The following MND1 variants were observed in gnomAD, a reference collection of about 807,000 sequenced individuals.
MND1 encodes meiotic nuclear division protein 1 homolog.
MND1 carries 28 observed loss-of-function variants against 35.1 expected under a neutral mutation model. That is an observed-to-expected ratio of 0.80 (90% CI 0.59 to 1.09). The LOEUF is 1.09. Among genes scored for constraint, MND1 ranks in the 50% least tolerant of loss-of-function variants. The probability of loss-of-function intolerance (pLI) is 0.00; values close to 1 mark genes in which losing one functional copy is unlikely to be tolerated. For missense variants in MND1, 213 were observed against 239.6 expected (o/e 0.89, Z 0.73); for synonymous variants, 69 against 70.5 (o/e 0.98, Z 0.11).
At chr4:153,405,497 C>T (rs1729474778) in intron 6 of MND1, among the ~76,000 whole-genome samples, 1 of 151,108 alleles carries the variant, frequency 6.6e-6, no homozygotes, top group Non-Finnish European at 1.5e-5. Context: ...GATCATGCCA[C>T]TGCACTCCAG....
At chr4:153,346,375 A>T (rs1481169602) in intron 1 of MND1, among the ~76,000 whole-genome samples, 1 of 152,188 alleles carries the variant, frequency 6.6e-6, no homozygotes, top group Non-Finnish European at 1.5e-5. Context: ...AGTGGTTTAA[A>T]ATACTTCCAG....
chr4:153,395,689 G>A (rs901774387), intron 5 of MND1, among the ~76,000 whole-genome samples: 6 of 152,112 alleles, frequency 3.9e-5, no homozygotes, highest in Non-Finnish European at 7.4e-5. Context: ...AGTCTATGGC[G>A]GTGGCTACCG....
intron 2 of MND1, among the ~76,000 whole-genome samples, 175 bp from the exon 3 acceptor site, chr4:153,355,479 A>G (rs564561267): frequency 6.6e-6 from 1 of 152,306 alleles, no homozygotes; most frequent in East Asian, 1.9e-4. Flanking sequence ...AGAGATGGAT[A>G]CCCTAATTAC....
intron 7 of MND1, 68 bp downstream of exon 7, chr4:153,409,083 C>T: frequency 1.1e-6 from 1 of 911,024 alleles, no homozygotes; most frequent in Non-Finnish European, 1.5e-6. Context: ...ACGTGAAATT[C>T]AGATACCTTG....
In MND1 at chr4:153,414,928, G is replaced by A. The variant is rs1579965904; in HGVS notation, c.*71G>A. The A allele has an allele frequency of 3.2e-6, 2 of 621,084 alleles. No homozygotes were observed. The highest frequency in any genetic ancestry group is 2.9e-5 in the East Asian group (1 of 34,118). The allele number at this position is 621,084 out of a possible 1,614,324, so 38.5% of individuals were successfully genotyped here. On this transcript the variant is annotated 3_prime_UTR_variant, in exon 8 of 8. Coordinates refer to ENST00000240488, the MANE Select transcript of MND1 (RefSeq NM_032117.4). ...ATTTTAAACTATTATCTAACTAAGTGTACTGAATTGTCGTTTGCCTGTAAC... is the reference window on the plus strand; with the variant it reads ...ATTTTAAACTATTATCTAACTAAGTATACTGAATTGTCGTTTGCCTGTAAC...
At chr4:153,353,510 T>A (rs1307140718) in intron 2 of MND1, among the ~76,000 whole-genome samples, 1 of 148,598 alleles carries the variant, frequency 6.7e-6, no homozygotes, top group South Asian at 2.1e-4. Flanking sequence ...GTTCTTTATA[T>A]ACGTATATCC....
Position 153,394,148 on chromosome 4 carries a change from G to A in MND1, c.277-114G>A, listed in dbSNP as rs190264657. ...CTTGACCTTGTGATCTGCCTGCCTC[G>A]GCCTGGGGCGAGTGCTGGGGCGTGA... On this transcript the variant is annotated intron_variant, in intron 4 of 7. Transcript: ENST00000240488. The A allele has an allele frequency of 7.4e-5, 58 of 785,728 alleles. No homozygotes were observed. In the East Asian group the frequency reaches 1.7e-3, roughly 22 times the overall value. The allele number at this position is 785,728 out of a possible 1,614,324, so 48.7% of individuals were successfully genotyped here.
At chr4:153,370,443 T>TG (rs1773762894) in intron 4 of MND1, among the ~76,000 whole-genome samples, 1 of 152,076 alleles carries the variant, frequency 6.6e-6, no homozygotes, top group Admixed American at 6.5e-5. Context: ...AAGTCATACA[T>TG]GGGGGCTGGA....
chr4:153,349,973 A>G, intron 1 of MND1, 91 bp from the exon 2 acceptor site: 2 of 853,066 alleles, frequency 2.3e-6, no homozygotes. Flanking sequence ...GCATCAGATA[A>G]GACCATGCAT....
chr4:153,391,778 ATTT>A (rs199589291), intron 4 of MND1, among the ~76,000 whole-genome samples: 1 of 149,510 alleles, frequency 6.7e-6, no homozygotes, highest in African/African-American at 2.5e-5. Flanking sequence ...CACACAGCAG[ATTT>A]TTTTTTTAAC....
intron 4 of MND1, among the ~76,000 whole-genome samples, chr4:153,385,317 C>T (rs1034496950): frequency 6.6e-6 from 1 of 152,110 alleles, no homozygotes; most frequent in Non-Finnish European, 1.5e-5. Context: ...ATTATTAAAG[C>T]TTTATGCATT....
intron 2 of MND1, among the ~76,000 whole-genome samples, chr4:153,353,445 A>G (rs1333850253): frequency 7.9e-6 from 1 of 126,386 alleles, no homozygotes; most frequent in Non-Finnish European, 1.7e-5. Context: ...ATATATATAT[A>G]TATTCATCTA....
rs1003768913 is a variant in MND1, at chr4:153,394,412, A to T, written c.351+76A>T. The T allele has an allele frequency of 9.5e-6, 11 of 1,162,238 alleles. No individual in the cohort carries two copies. The African/African-American group carries it at 1.7e-4, about 18-fold the overall frequency. 72.0% of individuals were successfully genotyped at this position (1,162,238 alleles called of 1,614,324 possible). A position where few individuals can be genotyped will look rare whatever the true frequency, so the allele number is the denominator to read the frequency against. ...AGTAAGCGACACAGAGCTTCCTGTGAGGAGGATGCATTTCTACCAGAAGAG... is the reference window on the plus strand; with the variant it reads ...AGTAAGCGACACAGAGCTTCCTGTGTGGAGGATGCATTTCTACCAGAAGAG... On this transcript the variant is annotated intron_variant, in intron 5 of 7. Coordinates refer to ENST00000240488, the MANE Select transcript of MND1 (RefSeq NM_032117.4).
At chr4:153,398,882 G>A (rs1050932570) in intron 6 of MND1, among the ~76,000 whole-genome samples, 1 of 152,232 alleles carries the variant, frequency 6.6e-6, no homozygotes, top group Non-Finnish European at 1.5e-5. Flanking sequence ...CTGTTAGGAA[G>A]CTAGGCCTGC....
At chr4:153,391,658 C>T (rs1045863402) in intron 4 of MND1, among the ~76,000 whole-genome samples, 4 of 150,658 alleles carry the variant, frequency 2.7e-5, no homozygotes, top group Non-Finnish European at 1.5e-5. Flanking sequence ...ACCTGGGAGG[C>T]GGAGGTTACA....
intron 6 of MND1, among the ~76,000 whole-genome samples, chr4:153,402,075 A>C (rs760035150): frequency 1.4e-4 from 21 of 152,130 alleles, no homozygotes; most frequent in Non-Finnish European, 2.4e-4. Flanking sequence ...GAATCGCTTG[A>C]ACTGGGGAGG....
chr4:153,357,341 A>G (rs2149632663), intron 3 of MND1, among the ~76,000 whole-genome samples: 1 of 152,268 alleles, frequency 6.6e-6, no homozygotes, highest in Non-Finnish European at 1.5e-5. Flanking sequence ...AAGTTTAAAT[A>G]CACAGTTGAC....
chr4:153,357,899 A>G (rs1773385658), intron 3 of MND1, among the ~76,000 whole-genome samples: 1 of 152,200 alleles, frequency 6.6e-6, no homozygotes, highest in African/African-American at 2.4e-5. Context: ...TAAAAAAGAA[A>G]CATTATTTAG....
intron 6 of MND1, among the ~76,000 whole-genome samples, chr4:153,397,847 A>G (rs1561076679): frequency 6.6e-6 from 1 of 152,342 alleles, no homozygotes; most frequent in Admixed American, 6.5e-5. Flanking sequence ...TTAATGTTAG[A>G]GCATTGAACA....
Sources: allele counts gnomAD v4.1 joint callset (sites outside exome capture counted in the v4.1 genomes callset), GRCh38; gene constraint gnomAD v4.1.1; transcripts MANE v1.5; gene names NCBI Gene and HGNC (gene_info 2026-07-23, HGNC 2026-07-21).